The following RORA variants were observed in gnomAD, a reference collection of about 807,000 sequenced individuals.
The protein encoded by RORA is nuclear receptor ROR-alpha.
A neutral mutation model predicts 69.5 loss-of-function variants in RORA; 7 were observed. That is an observed-to-expected ratio of 0.10 (90% CI 0.06 to 0.19). The LOEUF (loss-of-function observed/expected upper bound fraction) is 0.19. Among genes scored for constraint, RORA ranks in the 10% least tolerant of loss-of-function variants. RORA has a pLI of 1.00. For synonymous variants in RORA, 261 were observed against 240.8 expected (o/e 1.08, Z -0.78); for missense variants, 457 against 663.0 (o/e 0.69, Z 3.41).
intron 1 of RORA, among the ~76,000 whole-genome samples, chr15:61,048,048 A>G (rs1897119146): frequency 6.6e-6 from 1 of 152,220 alleles, no homozygotes; most frequent in Non-Finnish European, 1.5e-5. Context: ...CACACACCTA[A>G]AAGAGGCTAC....
At chr15:61,192,948 G>A (rs187534887) in intron 1 of RORA, among the ~76,000 whole-genome samples, 25 of 152,190 alleles carry the variant, frequency 1.6e-4, no homozygotes, top group African/African-American at 6.0e-4. Flanking sequence ...GCACATACTA[G>A]TTGTTGCTAT....
intron 1 of RORA, among the ~76,000 whole-genome samples, chr15:60,843,937 A>G (rs1208892656): frequency 6.6e-6 from 1 of 152,040 alleles, no homozygotes; most frequent in Non-Finnish European, 1.5e-5. Context: ...CCTCACCCTA[A>G]TATACCTACT....
chr15:60,945,544 A>G (rs1892845274), intron 1 of RORA, among the ~76,000 whole-genome samples: 1 of 152,186 alleles, frequency 6.6e-6, no homozygotes, highest in African/African-American at 2.4e-5. Context: ...ACTTTTCACC[A>G]TTAGGGGAGG....
intron 2 of RORA, among the ~76,000 whole-genome samples, chr15:60,607,071 T>C (rs868683224): frequency 2.6e-5 from 4 of 152,298 alleles, no homozygotes; most frequent in Middle Eastern, 6.8e-3. Context: ...CAGAGACTTG[T>C]GCTCATAGGC....
At chr15:60,631,351 C>T (rs540339677) in intron 2 of RORA, among the ~76,000 whole-genome samples, 2 of 152,270 alleles carry the variant, frequency 1.3e-5, no homozygotes, top group Non-Finnish European at 2.9e-5. Context: ...CTGTAACAAC[C>T]TTGAGGTGGT....
At chr15:61,188,521 T>C (rs2079766297) in intron 1 of RORA, among the ~76,000 whole-genome samples, 1 of 152,158 alleles carries the variant, frequency 6.6e-6, no homozygotes, top group Admixed American at 6.5e-5. Flanking sequence ...ACTGTCTTCA[T>C]CACAACAGCA....
intron 1 of RORA, among the ~76,000 whole-genome samples, chr15:60,996,975 A>G (rs1263349506): frequency 6.6e-6 from 1 of 152,094 alleles, no homozygotes; most frequent in Non-Finnish European, 1.5e-5. Context: ...AATACATTTT[A>G]GGAGCCTATA....
intron 1 of RORA, among the ~76,000 whole-genome samples, chr15:61,167,365 T>C (rs1043069906): frequency 1.3e-5 from 2 of 152,198 alleles, no homozygotes; most frequent in African/African-American, 2.4e-5. Context: ...TTTGAGTTAC[T>C]TAAAGAATGT....
chr15:60,951,411 C>T (rs997575883), intron 1 of RORA, among the ~76,000 whole-genome samples: 6 of 148,764 alleles, frequency 4.0e-5, no homozygotes, highest in African/African-American at 1.5e-4. Flanking sequence ...CATTCAAAAG[C>T]TAGCAGAAGG....
intron 1 of RORA, among the ~76,000 whole-genome samples, chr15:60,969,232 CT>C (rs949010840): frequency 1.3e-5 from 2 of 152,136 alleles, no homozygotes; most frequent in African/African-American, 4.8e-5. Context: ...TTAATAAGTC[CT>C]TTTTGCAGAG....
chr15:60,633,974 C>T (rs1010801735), intron 2 of RORA, among the ~76,000 whole-genome samples: 4 of 152,318 alleles, frequency 2.6e-5, no homozygotes, highest in African/African-American at 9.6e-5. Context: ...TTCTTTTCTT[C>T]TTCACATGGC....
chr15:61,079,294 T>A (rs532048916), intron 1 of RORA, among the ~76,000 whole-genome samples: 1 of 152,350 alleles, frequency 6.6e-6, no homozygotes, highest in South Asian at 2.1e-4. Flanking sequence ...TGGAAATGTA[T>A]AACAGTGATA....
intron 1 of RORA, among the ~76,000 whole-genome samples, chr15:60,959,750 A>G (rs1381013599): frequency 6.6e-6 from 1 of 152,170 alleles, no homozygotes; most frequent in Non-Finnish European, 1.5e-5. Context: ...TTGAAAAAAC[A>G]CCGGATTAAA....
chr15:60,752,931 G>T (rs1293238302), intron 1 of RORA, among the ~76,000 whole-genome samples: 1 of 152,162 alleles, frequency 6.6e-6, no homozygotes, highest in Non-Finnish European at 1.5e-5. Context: ...AGATATTTGA[G>T]ATTTTGCTTA....
At chr15:61,211,407 TC>T (rs1272816294) in intron 1 of RORA, among the ~76,000 whole-genome samples, 1 of 152,098 alleles carries the variant, frequency 6.6e-6, no homozygotes, top group Admixed American at 6.5e-5. Flanking sequence ...AGCTCAGCTT[TC>T]AGGTTTTAGA....
intron 1 of RORA, among the ~76,000 whole-genome samples, chr15:61,077,179 G>T (rs1157767286): frequency 6.6e-6 from 1 of 151,088 alleles, no homozygotes; most frequent in African/African-American, 2.4e-5. Context: ...AATCGTAGAT[G>T]ATACCAGGTG....
intron 1 of RORA, among the ~76,000 whole-genome samples, chr15:61,090,405 G>A (rs2078688300): frequency 6.6e-6 from 1 of 152,104 alleles, no homozygotes; most frequent in Admixed American, 6.5e-5. Context: ...TCATTTGGGG[G>A]CTCTAAAAAA....
intron 1 of RORA, among the ~76,000 whole-genome samples, chr15:60,815,724 C>T (rs933873850): frequency 2.0e-5 from 3 of 151,658 alleles, no homozygotes; most frequent in African/African-American, 2.4e-5. Context: ...CAACACCCCC[C>T]GAGGTGTGCA....
At chr15:60,731,772 T>C (rs568305245) in intron 1 of RORA, among the ~76,000 whole-genome samples, 1 of 152,208 alleles carries the variant, frequency 6.6e-6, no homozygotes, top group Non-Finnish European at 1.5e-5. Flanking sequence ...CAAAATGAAA[T>C]ACAGTTTGTT....
Sources: gnomAD v4.1 joint callset for allele counts (sites outside exome capture counted in the v4.1 genomes callset) on GRCh38, gnomAD v4.1.1 for gene constraint, MANE v1.5 for transcripts, NCBI Gene and HGNC (gene_info 2026-07-23, HGNC 2026-07-21) for gene names.